The following PPM1L variants were observed in gnomAD, a reference collection of about 807,000 sequenced individuals.
PPM1L encodes protein phosphatase, Mg2+/Mn2+ dependent 1L.
PPM1L carries 13 observed loss-of-function variants against 31.4 expected under a neutral mutation model. That is an observed-to-expected ratio of 0.41 (90% CI 0.27 to 0.66). The LOEUF (loss-of-function observed/expected upper bound fraction) is 0.66. Ranked by LOEUF, PPM1L falls within the 30% of genes least tolerant of loss-of-function variation. PPM1L has a pLI of 0.29. For synonymous variants in PPM1L, 184 were observed against 175.4 expected (o/e 1.05, Z -0.39); for missense variants, 326 against 453.7 (o/e 0.72, Z 2.56).
intron 1 of PPM1L, among the ~76,000 whole-genome samples, chr3:160,770,736 C>G (rs1404118673): frequency 6.6e-6 from 1 of 152,188 alleles, no homozygotes; most frequent in African/African-American, 2.4e-5. Flanking sequence ...GAATCCTGCC[C>G]TCTGGTTTCA....
At chr3:161,067,348 T>C (rs1225458089) in intron 3 of PPM1L, among the ~76,000 whole-genome samples, 1 of 152,226 alleles carries the variant, frequency 6.6e-6, no homozygotes, top group Non-Finnish European at 1.5e-5. Flanking sequence ...AATTGCATAT[T>C]TTACACAAGG....
At chr3:160,914,816 T>G (rs1343731840) in intron 1 of PPM1L, among the ~76,000 whole-genome samples, 17 of 152,136 alleles carry the variant, frequency 1.1e-4, no homozygotes, top group Admixed American at 5.2e-4. Flanking sequence ...GTAATGGGAT[T>G]GCTGGGTCAA....
chr3:160,875,146 G>T (rs1712460887), intron 1 of PPM1L, among the ~76,000 whole-genome samples: 1 of 152,070 alleles, frequency 6.6e-6, no homozygotes, highest in African/African-American at 2.4e-5. Context: ...TATTCAAACT[G>T]TAACACCTAA....
chr3:160,989,527 C>T (rs1576765364), intron 2 of PPM1L, among the ~76,000 whole-genome samples: 3 of 151,944 alleles, frequency 2.0e-5, no homozygotes, highest in African/African-American at 7.3e-5. Flanking sequence ...GCCTCAGCCT[C>T]CCGAGTAACT....
chr3:160,913,747 A>T (rs1293820049), intron 1 of PPM1L, among the ~76,000 whole-genome samples: 3 of 152,042 alleles, frequency 2.0e-5, no homozygotes, highest in Non-Finnish European at 4.4e-5. Context: ...ATTCCTTTTC[A>T]TTTCTGACTA....
chr3:160,947,383 A>T (rs1715441163), intron 1 of PPM1L, among the ~76,000 whole-genome samples: 1 of 152,052 alleles, frequency 6.6e-6, no homozygotes, highest in Non-Finnish European at 1.5e-5. Flanking sequence ...ATTTTTGAAA[A>T]TTCATATCAA....
At chr3:160,783,227 A>T (rs926979295) in intron 1 of PPM1L, among the ~76,000 whole-genome samples, 3 of 152,188 alleles carry the variant, frequency 2.0e-5, no homozygotes, top group Admixed American at 2.0e-4. Flanking sequence ...ATGATGCTAC[A>T]TCCTGCAGTT....
chr3:160,771,889 G>A (rs1298155261), intron 1 of PPM1L, among the ~76,000 whole-genome samples: 1 of 151,584 alleles, frequency 6.6e-6, no homozygotes, highest in East Asian at 1.9e-4. Flanking sequence ...CTTATCTATG[G>A]CTTGAAACCT....
chr3:160,975,138 C>T (rs1328969076), intron 2 of PPM1L, among the ~76,000 whole-genome samples: 1 of 152,084 alleles, frequency 6.6e-6, no homozygotes, highest in East Asian at 1.9e-4. Flanking sequence ...GAATCCTTTC[C>T]CCATTGCTGG....
chr3:160,886,482 G>A (rs1164816289), intron 1 of PPM1L, among the ~76,000 whole-genome samples: 1 of 152,182 alleles, frequency 6.6e-6, no homozygotes, highest in Admixed American at 6.5e-5. Context: ...TGAGGTCAGA[G>A]ATCCCAGAAG....
intron 1 of PPM1L, among the ~76,000 whole-genome samples, chr3:160,888,250 G>T (rs1712991163): frequency 6.6e-6 from 1 of 152,142 alleles, no homozygotes; most frequent in Admixed American, 6.5e-5. Context: ...GTTGGATACA[G>T]AGTCAAGACC....
chr3:160,802,677 T>C (rs1413872578), intron 1 of PPM1L, among the ~76,000 whole-genome samples: 1 of 152,160 alleles, frequency 6.6e-6, no homozygotes, highest in Non-Finnish European at 1.5e-5. Context: ...ATATGCCTAA[T>C]AAAGTTATAC....
At chr3:160,841,065 G>T (rs1713864978) in intron 1 of PPM1L, among the ~76,000 whole-genome samples, 1 of 152,126 alleles carries the variant, frequency 6.6e-6, no homozygotes, top group African/African-American at 2.4e-5. Context: ...CATGAACCTG[G>T]AATTGTCCCA....
chr3:160,985,787 A>G (rs1387944491), intron 2 of PPM1L, among the ~76,000 whole-genome samples: 1 of 152,090 alleles, frequency 6.6e-6, no homozygotes, highest in Non-Finnish European at 1.5e-5. Context: ...CTCTCTAAAA[A>G]TATTTTTTTT....
chr3:160,983,338 T>C (rs1716861979), intron 2 of PPM1L, among the ~76,000 whole-genome samples: 1 of 152,134 alleles, frequency 6.6e-6, no homozygotes, highest in South Asian at 2.1e-4. Context: ...TTTGTAAACC[T>C]TCCCCTGCAG....
At chr3:160,845,442 TGTG>T (rs1317674115) in intron 1 of PPM1L, among the ~76,000 whole-genome samples, 1 of 152,066 alleles carries the variant, frequency 6.6e-6, no homozygotes, top group East Asian at 1.9e-4. Context: ...TTCTTTGGGT[TGTG>T]TTTTCATCTT....
chr3:161,041,222 A>G (rs937742217), intron 2 of PPM1L, among the ~76,000 whole-genome samples: 2 of 152,220 alleles, frequency 1.3e-5, no homozygotes, highest in Non-Finnish European at 2.9e-5. Flanking sequence ...AAATTTACCT[A>G]TAGCCTGGAG....
At chr3:160,792,185 C>T (rs1386786211) in intron 1 of PPM1L, among the ~76,000 whole-genome samples, 8 of 152,074 alleles carry the variant, frequency 5.3e-5, no homozygotes, top group African/African-American at 1.9e-4. Flanking sequence ...AGACACGTAA[C>T]TAATTTTTTG....
At chr3:160,989,585 C>T (rs1244218151) in intron 2 of PPM1L, among the ~76,000 whole-genome samples, 1 of 151,876 alleles carries the variant, frequency 6.6e-6, no homozygotes, top group African/African-American at 2.4e-5. Context: ...TGGTTTTGAA[C>T]CCCTGACCTC....
Sources: gnomAD v4.1 joint callset for allele counts (sites outside exome capture counted in the v4.1 genomes callset) on GRCh38, gnomAD v4.1.1 for gene constraint, MANE v1.5 for transcripts, NCBI Gene and HGNC (gene_info 2026-07-23, HGNC 2026-07-21) for gene names.